Variants in CNIH4 observed in about 807,000 individuals in gnomAD.
CNIH4 encodes the protein cornichon family member 4, also known as protein cornichon homolog 4.
A neutral mutation model predicts 21.5 loss-of-function variants in CNIH4; 9 were observed. That is an observed-to-expected ratio of 0.42 (90% CI 0.25 to 0.73). CNIH4 has a LOEUF of 0.73. Among genes scored for constraint, CNIH4 ranks in the 30% least tolerant of loss-of-function variants. CNIH4 has a pLI of 0.27. For synonymous variants in CNIH4, 67 were observed against 59.1 expected, an observed-to-expected ratio of 1.13 and a Z score of -0.61; for missense variants, 159 against 170.0, an observed-to-expected ratio of 0.94 and a Z score of 0.36.
At chr1:224,359,550 A>G (rs948477666) in intron 1 of CNIH4, among the ~76,000 whole-genome samples, 1 of 152,168 alleles carries the variant, frequency 6.6e-6, no homozygotes, top group African/African-American at 2.4e-5. Context: ...CTGTGGAGAA[A>G]GTGATGAGTT....
In CNIH4 at chr1:224,378,540, G is replaced by A. The variant is rs1286188507; in HGVS notation, c.*2718G>A. ...AACTGAGGCCTAGAGATCGTTCAGG[G>A]TGTTGTAACTGGGAACATCTGAATG... On this transcript the variant is annotated 3_prime_UTR_variant, in exon 5 of 5. Coordinates refer to ENST00000465271, the MANE Select transcript of CNIH4 (RefSeq NM_014184.4). 6.5e-6 allele frequency: 1 copy of A among 152,794 alleles called. No homozygotes were observed. The highest frequency in any genetic ancestry group is 1.5e-5 in the Non-Finnish European group (1 of 68,490). The allele number at this position is 152,794 out of a possible 1,614,324, so 9.5% of individuals were successfully genotyped here. A position where few individuals can be genotyped will look rare whatever the true frequency, so the allele number is the denominator to read the frequency against.
intron 2 of CNIH4, among the ~76,000 whole-genome samples, chr1:224,361,408 G>C (rs1163345772): frequency 6.6e-6 from 1 of 151,716 alleles, no homozygotes; most frequent in Admixed American, 6.6e-5. Flanking sequence ...GTGAGCCACC[G>C]TGCCCAGCCA....
chr1:224,364,285 A>G, intron 2 of CNIH4: 1 of 985,446 alleles, frequency 1.0e-6, no homozygotes, highest in Non-Finnish European at 1.2e-6. Context: ...TGTGTAATAC[A>G]AAGATGACTG....
rs116500608 is a variant in CNIH4 at position 224,378,337 on chromosome 1, C to T, written c.*2515C>T. On this transcript the variant is annotated 3_prime_UTR_variant, in exon 5 of 5. Coordinates refer to ENST00000465271, the MANE Select transcript of CNIH4 (RefSeq NM_014184.4). ...TTGGGATTACTGGTGTGAGCCACCA[C>T]GCCCAGCTCAAAAACAATTTTTTTA... 0.013 allele frequency: 1,981 copies of T among 152,346 alleles called. 37 individuals carry two copies. Among genetic ancestry groups the T allele is most frequent in the African/African-American group, 0.041 (1,718 of 41,558 alleles). 9.4% of individuals were successfully genotyped at this position (152,346 alleles called of 1,614,324 possible). A position where few individuals can be genotyped will look rare whatever the true frequency, so the allele number is the denominator to read the frequency against.
intron 1 of CNIH4, among the ~76,000 whole-genome samples, chr1:224,358,328 T>C (rs1165553223): frequency 6.6e-6 from 1 of 152,204 alleles, no homozygotes; most frequent in East Asian, 1.9e-4. Context: ...CCCTCCCCAA[T>C]TGAGCAGCAG....
At chr1:224,363,812 G>A (rs1311296825) in intron 2 of CNIH4, among the ~76,000 whole-genome samples, 7 of 152,078 alleles carry the variant, frequency 4.6e-5, no homozygotes, top group African/African-American at 1.7e-4. Context: ...CTCTTTGGAT[G>A]GTCTAGATTT....
chr1:224,366,045 A>T, intron 3 of CNIH4, 54 bp downstream of exon 3: 3 of 1,194,312 alleles, frequency 2.5e-6, no homozygotes, highest in South Asian at 2.4e-5. Flanking sequence ...AAATTTAAAA[A>T]GTTGTGTTTT....
At chr1:224,366,050 T>G (rs1004437462) in intron 3 of CNIH4, 59 bp downstream of exon 3, 37 of 1,126,176 alleles carry the variant, frequency 3.3e-5, no homozygotes, top group Middle Eastern at 3.9e-4. Flanking sequence ...TAAAAAGTTG[T>G]GTTTTTTTCA....
rs1672811000 is a variant in CNIH4 at position 224,377,446 on chromosome 1, C to T, written c.*1624C>T. The T allele has an allele frequency of 6.6e-6, 1 of 151,972 alleles. No homozygotes were observed. The highest frequency in any genetic ancestry group is 2.1e-4 in the South Asian group (1 of 4,826). The allele number at this position is 151,972 out of a possible 1,614,324, so 9.4% of individuals were successfully genotyped here. On this transcript the variant is annotated 3_prime_UTR_variant, in exon 5 of 5. Transcript: ENST00000465271. ...ACGAAGCTGTTGGAGAACTTAAATC[C>T]TTGCAACTGAGAGATAAGCTACTTA...
At chr1:224,366,332 C>CA (rs1361875041) in intron 3 of CNIH4, among the ~76,000 whole-genome samples, 1 of 149,132 alleles carries the variant, frequency 6.7e-6, no homozygotes, top group South Asian at 2.1e-4. Flanking sequence ...AGGTGTGAGC[C>CA]AAAAAAGGTG....
intron 4 of CNIH4, among the ~76,000 whole-genome samples, chr1:224,371,664 A>T (rs1247403094): frequency 1.3e-5 from 2 of 152,118 alleles, no homozygotes; most frequent in African/African-American, 2.4e-5. Context: ...TGCTTAAAAC[A>T]GGGCACGGTG....
chr1:224,368,102 G>A (rs1040641079), intron 3 of CNIH4, among the ~76,000 whole-genome samples: 6 of 152,160 alleles, frequency 3.9e-5, no homozygotes, highest in Non-Finnish European at 8.8e-5. Flanking sequence ...AGGCTGAGGT[G>A]GGTGGATTAC....
intron 4 of CNIH4, 111 bp from the exon 5 acceptor site, chr1:224,375,684 A>C: frequency 8.6e-7 from 1 of 1,166,968 alleles, no homozygotes; most frequent in South Asian, 1.5e-5. Flanking sequence ...ATTGTCTTTT[A>C]CTCAAATGAT....
chr1:224,364,241 GA>G (rs887301398), intron 2 of CNIH4: 224 of 877,790 alleles, frequency 2.6e-4, no homozygotes, highest in Admixed American at 1.0e-3. Context: ...AAAACAAGAG[GA>G]AAAAAAAAAG....
At chr1:224,375,743 G>A in intron 4 of CNIH4, 52 bp from the exon 5 acceptor site, 1 of 1,610,360 alleles carries the variant, frequency 6.2e-7, no homozygotes, top group Non-Finnish European at 8.5e-7. Flanking sequence ...ACCAGGCTCT[G>A]TAGGAACATT....
chr1:224,379,059 A>G lies in CNIH4; in HGVS notation c.*3237A>G, dbSNP rs1376715744. The stretch of plus-strand genomic sequence containing the variant: ...CATTTTCCCTTGCCTTTTTCCTTCT[A>G]TCCTTTCAGTGGTAGCAACTGCCCT... On this transcript the variant is annotated 3_prime_UTR_variant, in exon 5 of 5. Transcript: ENST00000465271. The G allele has an allele frequency of 8.4e-6, 13 of 1,550,316 alleles. No individual in the cohort carries two copies. In the East Asian group the frequency reaches 9.8e-5, roughly 12 times the overall value.
At chr1:224,369,642 T>C (rs1672566056) in intron 3 of CNIH4, among the ~76,000 whole-genome samples, 1 of 151,862 alleles carries the variant, frequency 6.6e-6, no homozygotes, top group African/African-American at 2.4e-5. Context: ...GATAAATGCT[T>C]GAGGTAATGG....
chr1:224,357,254 G>C (rs1572114502), intron 1 of CNIH4: 1 of 386,704 alleles, frequency 2.6e-6, no homozygotes, highest in Non-Finnish European at 4.6e-6. Flanking sequence ...GTCCGAGTGG[G>C]CCTCTCCGGG....
At chr1:224,360,187 G>T (rs1299983060) in intron 1 of CNIH4, among the ~76,000 whole-genome samples, 1 of 151,812 alleles carries the variant, frequency 6.6e-6, no homozygotes, top group Non-Finnish European at 1.5e-5. Context: ...TCCTGCCTCA[G>T]CTTCCCAAAG....
Sources: allele counts gnomAD v4.1 joint callset (sites outside exome capture counted in the v4.1 genomes callset), GRCh38; gene constraint gnomAD v4.1.1; transcripts MANE v1.5; gene names NCBI Gene and HGNC (gene_info 2026-07-23, HGNC 2026-07-21).